Variants in NALF1 observed in about 807,000 individuals in gnomAD.
NALF1 encodes family with sequence similarity 155 member A.
Under a neutral mutation model 48.4 loss-of-function variants are expected in NALF1, and 3 were observed. The observed-to-expected ratio is 0.06, with a 90% CI of 0.03 to 0.16. NALF1 has a LOEUF of 0.16. Ranked by LOEUF, NALF1 falls within the 10% of genes least tolerant of loss-of-function variation. The pLI is 1.00. For synonymous variants in NALF1, 262 were observed against 245.7 expected (o/e 1.07, Z -0.62); for missense variants, 526 against 571.5 (o/e 0.92, Z 0.81).
In NALF1 at chr13:107,284,104, A is replaced by G. The variant is rs374166054; in HGVS notation, c.916-73349T>C. Among the ~76,000 whole-genome samples, 8 of 152,190 alleles carry G rather than the reference A, an allele frequency of 5.3e-5. No individual in the cohort carries two copies. The East Asian group carries it at 1.2e-3, about 22-fold the overall frequency. ...AAAGGATTATGGCTGACATACGATC[A>G]CAGCCTAATGTCTGGGAGAAAAGCA... On this transcript the variant is annotated intron_variant, in intron 1 of 2. Coordinates refer to ENST00000375915, the MANE Select transcript of NALF1 (RefSeq NM_001080396.3).
At chr13:107,852,231 C>G (rs1228981046) in intron 1 of NALF1, among the ~76,000 whole-genome samples, 3 of 152,106 alleles carry the variant, frequency 2.0e-5, no homozygotes, top group African/African-American at 7.2e-5. Flanking sequence ...AAATGGCTTA[C>G]ATTTTTCCAT....
At chr13:107,760,089 T>A (rs1281428181) in intron 1 of NALF1, among the ~76,000 whole-genome samples, 1 of 152,206 alleles carries the variant, frequency 6.6e-6, no homozygotes, top group Non-Finnish European at 1.5e-5. Flanking sequence ...GCAATCAACA[T>A]AAAATTCAAG....
chr13:107,689,351 T>C (rs1881516594), intron 1 of NALF1, among the ~76,000 whole-genome samples: 1 of 152,226 alleles, frequency 6.6e-6, no homozygotes, highest in Non-Finnish European at 1.5e-5. Flanking sequence ...TTTTAAATAA[T>C]TGATATGATA....
chr13:107,808,629 C>T (rs1352338900), intron 1 of NALF1, among the ~76,000 whole-genome samples: 1 of 150,054 alleles, frequency 6.7e-6, no homozygotes, highest in Non-Finnish European at 1.5e-5. Context: ...TTCCTATTTG[C>T]GCAACTTTTA....
intron 1 of NALF1, among the ~76,000 whole-genome samples, chr13:107,620,280 CT>C (rs1464409624): frequency 6.6e-6 from 1 of 152,244 alleles, no homozygotes; most frequent in East Asian, 1.9e-4. Flanking sequence ...GGAAATACCC[CT>C]GGTACTTAAA....
chr13:107,855,912 A>AT (rs201378763), intron 1 of NALF1, among the ~76,000 whole-genome samples: 11,921 of 147,342 alleles, frequency 0.081, 725 homozygotes, highest in East Asian at 0.23. Flanking sequence ...AAGAGCGAGA[A>AT]TTTTTTTTTT....
chr13:107,241,758 C>T (rs892232450), intron 1 of NALF1, among the ~76,000 whole-genome samples: 4 of 152,306 alleles, frequency 2.6e-5, no homozygotes, highest in Admixed American at 6.5e-5. Context: ...TTCTAACACT[C>T]GGTTCCTTTA....
chr13:107,425,906 T>A (rs1245730399), intron 1 of NALF1, among the ~76,000 whole-genome samples: 1 of 152,196 alleles, frequency 6.6e-6, no homozygotes, highest in African/African-American at 2.4e-5. Flanking sequence ...TGATATTAAA[T>A]ATCTGTGTAC....
chr13:107,174,396 G>C (rs1393957644), intron 2 of NALF1, among the ~76,000 whole-genome samples: 2 of 150,116 alleles, frequency 1.3e-5, no homozygotes, highest in Admixed American at 6.7e-5. Flanking sequence ...TCGCTCTGTC[G>C]CCAGGCTGGA....
intron 1 of NALF1, among the ~76,000 whole-genome samples, chr13:107,434,417 C>A (rs912684558): frequency 3.9e-5 from 6 of 152,058 alleles, no homozygotes; most frequent in African/African-American, 1.4e-4. Flanking sequence ...TTACACTAAC[C>A]AGAAATTTAT....
intron 1 of NALF1, among the ~76,000 whole-genome samples, chr13:107,276,552 A>C (rs898393837): frequency 1.3e-5 from 2 of 152,196 alleles, no homozygotes; most frequent in African/African-American, 4.8e-5. Context: ...GGTCTAATAA[A>C]AAGGTATTTA....
At chr13:107,473,802 C>G (rs957615916) in intron 1 of NALF1, among the ~76,000 whole-genome samples, 2 of 152,184 alleles carry the variant, frequency 1.3e-5, no homozygotes, top group Non-Finnish European at 2.9e-5. Flanking sequence ...TCTTCTTATT[C>G]TCCCACATTC....
At chr13:107,489,745 C>G (rs1885385580) in intron 1 of NALF1, among the ~76,000 whole-genome samples, 1 of 151,702 alleles carries the variant, frequency 6.6e-6, no homozygotes, top group South Asian at 2.1e-4. Flanking sequence ...CAGATGGGAT[C>G]TAATTAAACT....
chr13:107,336,993 T>C, intron 1 of NALF1, among the ~76,000 whole-genome samples: 1 of 147,932 alleles, frequency 6.8e-6, no homozygotes, highest in East Asian at 2.0e-4. Flanking sequence ...GTTCTTCTTT[T>C]ATCCCAAATA....
chr13:107,191,154 T>A (rs1879270557), intron 2 of NALF1, among the ~76,000 whole-genome samples: 2 of 152,184 alleles, frequency 1.3e-5, no homozygotes, highest in African/African-American at 4.8e-5. Flanking sequence ...CTGTTTTGAT[T>A]TCCAATTGTT....
At chr13:107,442,675 CT>C (rs915652863) in intron 1 of NALF1, among the ~76,000 whole-genome samples, 1 of 152,078 alleles carries the variant, frequency 6.6e-6, no homozygotes, top group Non-Finnish European at 1.5e-5. Context: ...TTTTTAAAAA[CT>C]TTTTTAAGGA....
At chr13:107,292,539 G>A (rs188045175) in intron 1 of NALF1, among the ~76,000 whole-genome samples, 8 of 151,190 alleles carry the variant, frequency 5.3e-5, no homozygotes, top group Non-Finnish European at 7.4e-5. Flanking sequence ...GTATTTATAC[G>A]CACTAACCTA....
At chr13:107,527,864 C>A (rs1566378451) in intron 1 of NALF1, among the ~76,000 whole-genome samples, 1 of 152,098 alleles carries the variant, frequency 6.6e-6, no homozygotes, top group Non-Finnish European at 1.5e-5. Flanking sequence ...GTCCCTTAAA[C>A]CTCTTTTTCC....
intron 1 of NALF1, among the ~76,000 whole-genome samples, chr13:107,242,626 T>TA (rs1194310370): frequency 1.3e-5 from 2 of 152,248 alleles, no homozygotes; most frequent in African/African-American, 4.8e-5. Context: ...AATTCATAAA[T>TA]AATTCAAAGT....
Sources: gnomAD v4.1 joint callset for allele counts (sites outside exome capture counted in the v4.1 genomes callset) on GRCh38, gnomAD v4.1.1 for gene constraint, MANE v1.5 for transcripts, NCBI Gene and HGNC (gene_info 2026-07-23, HGNC 2026-07-21) for gene names.